The following HDX variants were observed in gnomAD, a reference collection of about 807,000 sequenced individuals.
HDX encodes the protein chromosome X open reading frame 43.
HDX carries 19 observed loss-of-function variants against 45.2 expected under a neutral mutation model. The ratio of observed to expected loss-of-function variants is 0.42; its 90% confidence interval spans 0.29 to 0.62. The LOEUF (loss-of-function observed/expected upper bound fraction) is 0.62, where lower values mean the gene tolerates loss of function less well. Ranked by LOEUF, HDX falls within the 20% of genes least tolerant of loss-of-function variation. The pLI is 0.20. For missense variants in HDX, 532 were observed against 493.9 expected (o/e 1.08, Z -0.73); for synonymous variants, 188 against 172.8 (o/e 1.09, Z -0.69).
rs935764527 is a variant in HDX at position 84,320,171 on chromosome X, G to C, written c.*1718C>G. On this transcript the variant is annotated 3_prime_UTR_variant, in exon 11 of 11. Transcript: ENST00000373177. ...GTTGGTGTGACTGGTACATTTAATC[G>C]TAATATCTGAGGCTCTGTTACTCTC... 2 of 110,641 alleles carry C rather than the reference G, an allele frequency of 1.8e-5. No homozygotes were observed. Among genetic ancestry groups the C allele is most frequent in the Non-Finnish European group, 3.8e-5 (2 of 52,294 alleles). The allele number at this position is 110,641 out of a possible 1,213,427, so 9.1% of individuals were successfully genotyped here. A position where few individuals can be genotyped will look rare whatever the true frequency, so the allele number is the denominator to read the frequency against.
intron 6 of HDX, among the ~76,000 whole-genome samples, chrX:84,353,596 C>A (rs2037409235): frequency 9.0e-6 from 1 of 111,273 alleles, no homozygotes; most frequent in Non-Finnish European, 1.9e-5. Flanking sequence ...TGTATTATAG[C>A]AGGCTGTGAT....
intron 5 of HDX, among the ~76,000 whole-genome samples, chrX:84,396,675 A>G (rs1017013008): frequency 1.8e-5 from 2 of 111,690 alleles, no homozygotes; most frequent in East Asian, 2.8e-4. Context: ...GGCATCCCCA[A>G]TGGGTTGGGA....
At chrX:84,465,063 A>G (rs2040319053) in intron 4 of HDX, among the ~76,000 whole-genome samples, 1 of 112,647 alleles carries the variant, frequency 8.9e-6, no homozygotes, top group South Asian at 3.6e-4. Context: ...CAACAAACAT[A>G]TGAAAAAAAG....
chrX:84,485,089 A>G (rs2040763680), intron 2 of HDX, among the ~76,000 whole-genome samples: 1 of 111,785 alleles, frequency 8.9e-6, no homozygotes, highest in Non-Finnish European at 1.9e-5. Flanking sequence ...GTGTAATTTC[A>G]TTATGATTAG....
At chrX:84,457,070 C>T (rs2040127497) in intron 4 of HDX, among the ~76,000 whole-genome samples, 1 of 111,749 alleles carries the variant, frequency 8.9e-6, no homozygotes, top group Non-Finnish European at 1.9e-5. Context: ...CAGCAGAATA[C>T]ACATTCTTCC....
At chrX:84,349,609 G>GTA (rs752855941) in intron 6 of HDX, among the ~76,000 whole-genome samples, 6,956 of 77,415 alleles carry the variant, frequency 0.09, 508 homozygotes, top group African/African-American at 0.22. Flanking sequence ...ATGTGTGTGT[G>GTA]TATATATATA....
Position 84,319,626 on chromosome X carries a change from C to T in HDX, c.*2263G>A, listed in dbSNP as rs776196579. ...TGTATTGTTATGATTTATATAGTTT[C>T]TATTTTGATGAAATGTTAAACAGAG... is the stretch of plus-strand genomic sequence containing the variant. On this transcript the variant is annotated 3_prime_UTR_variant, in exon 11 of 11. Coordinates refer to ENST00000373177, the MANE Select transcript of HDX (RefSeq NM_001177479.2). 1.7e-4 allele frequency: 19 copies of T among 111,123 alleles called. No individual in the cohort carries two copies. Among genetic ancestry groups the T allele is most frequent in the Non-Finnish European group, 3.2e-4 (17 of 52,504 alleles). 9.2% of individuals were successfully genotyped at this position (111,123 alleles called of 1,213,427 possible). A position where few individuals can be genotyped will look rare whatever the true frequency, so the allele number is the denominator to read the frequency against.
intron 6 of HDX, among the ~76,000 whole-genome samples, chrX:84,356,617 T>TC (rs1359108912): frequency 1.5e-5 from 1 of 67,016 alleles, no homozygotes; most frequent in African/African-American, 5.3e-5. Flanking sequence ...TGGATATCTT[T>TC]TTTTTTTTTT....
chrX:84,448,098 G>A (rs182256521), intron 4 of HDX, among the ~76,000 whole-genome samples: 147 of 111,843 alleles, frequency 1.3e-3, no homozygotes, highest in Non-Finnish European at 1.8e-3. Context: ...CAATGCCTGA[G>A]CACACTGTCA....
chrX:84,439,591 G>A (rs1217268887), intron 5 of HDX, among the ~76,000 whole-genome samples: 1 of 110,917 alleles, frequency 9.0e-6, no homozygotes, highest in African/African-American at 3.3e-5. Context: ...TGAGAGGTAG[G>A]GTTCAAGTAT....
At chrX:84,371,321 A>G (rs1339774388) in intron 5 of HDX, among the ~76,000 whole-genome samples, 3 of 112,197 alleles carry the variant, frequency 2.7e-5, no homozygotes, top group Admixed American at 9.5e-5. Flanking sequence ...ATGAGAAAAC[A>G]CATGTAAAAT....
At chrX:84,402,295 C>T (rs2038724810) in intron 5 of HDX, among the ~76,000 whole-genome samples, 1 of 111,961 alleles carries the variant, frequency 8.9e-6, no homozygotes, top group African/African-American at 3.2e-5. Flanking sequence ...CATTGTAGCT[C>T]TTATGCATAT....
Position 84,322,059 on chromosome X carries a change from T to G in HDX, c.1948-45A>C, listed in dbSNP as rs759508141. On this transcript the variant is annotated intron_variant, in intron 10 of 10. Transcript: ENST00000373177. ...TTTTTGGATTAGTATGTGGATAGATTGTTTTCCAATTTATATTAATAGTTG... is the reference window on the plus strand; with the variant it reads ...TTTTTGGATTAGTATGTGGATAGATGGTTTTCCAATTTATATTAATAGTTG... 36 of 892,941 alleles carry G rather than the reference T, an allele frequency of 4.0e-5. No homozygotes were observed. The South Asian group carries it at 1.1e-3, about 27-fold the overall frequency. The allele number at this position is 892,941 out of a possible 1,213,427, so 73.6% of individuals were successfully genotyped here. A position where few individuals can be genotyped will look rare whatever the true frequency, so the allele number is the denominator to read the frequency against.
intron 6 of HDX, 81 bp from the exon 7 acceptor site, chrX:84,344,538 C>A (rs780008272): frequency 3.3e-6 from 2 of 614,906 alleles, no homozygotes; most frequent in Non-Finnish European, 5.2e-6. Context: ...TGAATGAATG[C>A]TGCATAAAAT....
At chrX:84,361,734 A>G (rs1251175730) in intron 5 of HDX, 122 bp from the exon 6 acceptor site, 2 of 443,351 alleles carry the variant, frequency 4.5e-6, no homozygotes, top group Non-Finnish European at 7.1e-6. Flanking sequence ...TTATTTCACA[A>G]TTCTTATTCA....
chrX:84,417,940 A>C (rs2039153967), intron 5 of HDX, among the ~76,000 whole-genome samples: 1 of 112,041 alleles, frequency 8.9e-6, no homozygotes, highest in Non-Finnish European at 1.9e-5. Context: ...TGTACTCCTC[A>C]AGGGGCTGGT....
chrX:84,482,576 C>T (rs1335207973), intron 2 of HDX, among the ~76,000 whole-genome samples: 1 of 111,539 alleles, frequency 9.0e-6, no homozygotes, highest in East Asian at 2.8e-4. Context: ...AAACTAGCCC[C>T]ATGAGTCAAT....
chrX:84,410,442 G>A (rs187187167), intron 5 of HDX, among the ~76,000 whole-genome samples: 78 of 111,090 alleles, frequency 7.0e-4, no homozygotes, highest in Middle Eastern at 4.7e-3. Context: ...GTGTGTGTGC[G>A]CACGTTTATG....
At chrX:84,484,181 G>A (rs970345915) in intron 2 of HDX, among the ~76,000 whole-genome samples, 5 of 111,871 alleles carry the variant, frequency 4.5e-5, no homozygotes, top group Non-Finnish European at 9.4e-5. Context: ...TTCCAAAGTT[G>A]CTTCCACATT....
Sources: allele counts gnomAD v4.1 joint callset (sites outside exome capture counted in the v4.1 genomes callset), GRCh38; gene constraint gnomAD v4.1.1; transcripts MANE v1.5; gene names NCBI Gene and HGNC (gene_info 2026-07-23, HGNC 2026-07-21).